Variants in MYOM1 observed in about 807,000 individuals in gnomAD.
MYOM1 encodes myomesin-1.
Under a neutral mutation model 205.3 loss-of-function variants are expected in MYOM1, and 164 were observed. The ratio of observed to expected loss-of-function variants is 0.80; its 90% CI spans 0.70 to 0.91. MYOM1 has a LOEUF of 0.91. MYOM1 is among the 40% of genes least tolerant of loss of function. The pLI is 0.00. For synonymous variants in MYOM1, 772 were observed against 789.4 expected, an observed-to-expected ratio of 0.98 and a Z score of 0.37; for missense variants, 2,011 against 2,127.3, an observed-to-expected ratio of 0.95 and a Z score of 1.08.
At chr18:3,150,082 T>C (rs2080195362) in intron 12 of MYOM1, among the ~76,000 whole-genome samples, 1 of 152,100 alleles carries the variant, frequency 6.6e-6, no homozygotes, top group African/African-American at 2.4e-5. Flanking sequence ...TATTTTCAGA[T>C]GGAGTCTCGC....
At chr18:3,072,973 ATT>A (rs770278592) in intron 36 of MYOM1, among the ~76,000 whole-genome samples, 276 of 102,434 alleles carry the variant, frequency 2.7e-3, no homozygotes, top group African/African-American at 9.8e-3. Flanking sequence ...AGATGTAAGC[ATT>A]TTTTTTTTTT....
At chr18:3,090,300 A>G (rs2079206352) in intron 27 of MYOM1, among the ~76,000 whole-genome samples, 1 of 149,586 alleles carries the variant, frequency 6.7e-6, no homozygotes, top group African/African-American at 2.5e-5. Context: ...GCTCACTGCA[A>G]TCTCTGCTTC....
At chr18:3,214,507 T>C (rs1320894731) in intron 2 of MYOM1, among the ~76,000 whole-genome samples, 3 of 152,138 alleles carry the variant, frequency 2.0e-5, no homozygotes, top group Admixed American at 1.3e-4. Flanking sequence ...TTGGTTGAAA[T>C]GCAGGGCTGC....
intron 36 of MYOM1, among the ~76,000 whole-genome samples, chr18:3,074,057 G>A (rs1180182604): frequency 6.6e-6 from 1 of 152,196 alleles, no homozygotes; most frequent in Non-Finnish European, 1.5e-5. Context: ...AGCTAGAAAA[G>A]CTCTAAGGTT....
At chr18:3,119,778 A>T in intron 20 of MYOM1, 91 bp downstream of exon 20, 2 of 1,442,834 alleles carry the variant, frequency 1.4e-6, no homozygotes, top group Non-Finnish European at 1.8e-6. Flanking sequence ...TTAAATATTG[A>T]CCATATAGTA....
chr18:3,085,655 T>C (rs946415030), intron 30 of MYOM1, among the ~76,000 whole-genome samples: 1 of 152,224 alleles, frequency 6.6e-6, no homozygotes, highest in Non-Finnish European at 1.5e-5. Context: ...ACTAGTTTTA[T>C]AGTGATATAT....
At chr18:3,114,700 C>T (rs1294567690) in intron 21 of MYOM1, among the ~76,000 whole-genome samples, 1 of 151,662 alleles carries the variant, frequency 6.6e-6, no homozygotes. Context: ...CTTCTTTGTG[C>T]TTCTTATGTT....
rs550408486 is a variant in MYOM1 at position 3,164,348 on chromosome 18, T to C, written c.1431A>G (p.Glu477=). The change falls in exon 10 of 38, where the codon GAA becomes GAG. Residue 477 remains glutamate, a synonymous_variant. Coordinates refer to ENST00000356443, the MANE Select transcript of MYOM1 (RefSeq NM_003803.4). ...LTFSHLNKED[E]GLYTIRVRMG... ...TCCGTACACGGATTGTATAGAGGCC[T>C]TCATCTTCTTTGTTGAGATGGGAAA... is the stretch of plus-strand genomic sequence containing the variant. 3.1e-6 allele frequency: 5 copies of C among 1,612,100 alleles called. No individual in the cohort carries two copies. The highest frequency in any genetic ancestry group is 1.6e-4 in the Middle Eastern group (1 of 6,062).
chr18:3,237,241 A>G, the MYOM1 span, among the ~76,000 whole-genome samples: 1 of 152,234 alleles, frequency 6.6e-6, no homozygotes, highest in South Asian at 2.1e-4. Context: ...CCAAGTGTCC[A>G]TCAACAAATG....
intron 12 of MYOM1, among the ~76,000 whole-genome samples, chr18:3,150,122 C>T (rs2080196273): frequency 6.6e-6 from 1 of 152,032 alleles, no homozygotes; most frequent in Admixed American, 6.6e-5. Flanking sequence ...TGCAGTGGCG[C>T]GATCTCAGCT....
chr18:3,160,078 CCTCCTCCTCCTTCTT>C (rs1424151984), intron 10 of MYOM1, among the ~76,000 whole-genome samples: 7 of 129,240 alleles, frequency 5.4e-5, no homozygotes, highest in East Asian at 2.4e-4. Flanking sequence ...TTCTTCTCTT[CCTCCTCCTCCTTCTT>C]CTCCTCCTCC....
Position 3,174,114 on chromosome 18 carries a change from A to G in MYOM1, c.1111+6T>C, listed in dbSNP as rs1270363091. The G allele has an allele frequency of 1.2e-6, 2 of 1,613,876 alleles. No homozygotes were observed. Among genetic ancestry groups the G allele is most frequent in the Non-Finnish European group, 8.5e-7 (1 of 1,179,778 alleles). On this transcript the variant is annotated splice_donor_region_variant and intron_variant, in intron 7 of 37. Coordinates refer to ENST00000356443, the MANE Select transcript of MYOM1 (RefSeq NM_003803.4). ...ACTTTGAAGAAAACAAATCTAGCAA[A>G]CCTACTTTTTACCACAACTGAAGCA...
chr18:3,174,748 C>A (rs150041674), intron 6 of MYOM1, among the ~76,000 whole-genome samples: 1 of 150,956 alleles, frequency 6.6e-6, no homozygotes, highest in African/African-American at 2.4e-5. Flanking sequence ...CCTCCCTGAG[C>A]CACGTTGGTC....
At position 3,209,989 on chromosome 18, in the gene MYOM1, TAA is replaced by T. The variant is rs1491474116; in HGVS notation, c.290+4943_290+4944del. 2.0e-5 allele frequency among the ~76,000 whole-genome samples: 3 copies of T among 152,220 alleles called. No individual in the cohort carries two copies. The highest frequency in any genetic ancestry group is 2.0e-4 in the Admixed American group (3 of 15,280). On this transcript the variant is annotated intron_variant, in intron 2 of 37. Coordinates refer to ENST00000356443, the MANE Select transcript of MYOM1 (RefSeq NM_003803.4). This position sits in a 1 kb window ranked among gnomAD's most constrained non-coding sequence, Gnocchi z 4.0. ...TATTGAATGAATGACTCATAATGCCTAAACCTCACTGGGTGTTCCCCCTGTGC... is the reference window on the plus strand; with the variant it reads ...TATTGAATGAATGACTCATAATGCCTACCTCACTGGGTGTTCCCCCTGTGC...
At chr18:3,195,550 G>A (rs1206584597) in intron 2 of MYOM1, among the ~76,000 whole-genome samples, 2 of 152,084 alleles carry the variant, frequency 1.3e-5, no homozygotes, top group Non-Finnish European at 2.9e-5. Flanking sequence ...TGGGGCTTAA[G>A]AGTTTCATTT....
intron 8 of MYOM1, among the ~76,000 whole-genome samples, chr18:3,170,332 C>T (rs1352417797): frequency 6.6e-6 from 1 of 152,118 alleles, no homozygotes; most frequent in Non-Finnish European, 1.5e-5. Context: ...GCTCCAATTA[C>T]CCTGATTTGA....
At chr18:3,237,585 C>G in the MYOM1 span, among the ~76,000 whole-genome samples, 4 of 98,872 alleles carry the variant, frequency 4.0e-5, no homozygotes, top group Non-Finnish European at 7.3e-5. Context: ...GGCAACAGTG[C>G]AAGACTCCGT....
intron 14 of MYOM1, among the ~76,000 whole-genome samples, chr18:3,137,670 G>A (rs1051973511): frequency 3.3e-5 from 5 of 152,124 alleles, no homozygotes; most frequent in African/African-American, 7.2e-5. Context: ...GGGAAGGGTT[G>A]GGGGTGGTGG....
chr18:3,107,614 T>C (rs1239461063), intron 22 of MYOM1, among the ~76,000 whole-genome samples: 1 of 152,216 alleles, frequency 6.6e-6, no homozygotes, highest in African/African-American at 2.4e-5. Flanking sequence ...CAGTTTAAGA[T>C]TATGACATTT....
Sources: allele counts gnomAD v4.1 joint callset (sites outside exome capture counted in the v4.1 genomes callset), GRCh38; gene constraint gnomAD v4.1.1; non-coding constraint Gnocchi (gnomAD v3.1); transcripts MANE v1.5; gene names NCBI Gene and HGNC (gene_info 2026-07-23, HGNC 2026-07-21).